Variants in PDE10A observed in about 807,000 individuals in gnomAD.
The protein encoded by PDE10A is phosphodiesterase 10A, also known as cAMP and cAMP-inhibited cGMP 3',5'-cyclic phosphodiesterase 10A.
Under a neutral mutation model 97.7 loss-of-function variants are expected in PDE10A, and 39 were observed. The ratio of observed to expected loss-of-function variants is 0.40; its 90% CI spans 0.31 to 0.52. The LOEUF (loss-of-function observed/expected upper bound fraction) is 0.52. Among genes scored for constraint, PDE10A ranks in the 20% least tolerant of loss-of-function variants. The probability of loss-of-function intolerance (pLI) is 0.56; values close to 1 mark genes in which losing one functional copy is unlikely to be tolerated. For missense variants in PDE10A, 731 were observed against 1,047.8 expected (o/e 0.70, Z 4.17); for synonymous variants, 371 against 376.8 (o/e 0.98, Z 0.18).
At chr6:165,551,809 G>C (rs1338773927) in intron 1 of PDE10A, among the ~76,000 whole-genome samples, 1 of 152,198 alleles carries the variant, frequency 6.6e-6, no homozygotes, top group Non-Finnish European at 1.5e-5. Context: ...CTCAGGCTTT[G>C]ATAAAGAGGT....
intron 1 of PDE10A, among the ~76,000 whole-genome samples, chr6:165,737,365 G>C (rs567559732): frequency 6.6e-6 from 1 of 152,126 alleles, no homozygotes; most frequent in African/African-American, 2.4e-5. Context: ...CAATATCCCC[G>C]ATGAACATAT....
chr6:165,517,016 CA>C (rs144385243), intron 2 of PDE10A, among the ~76,000 whole-genome samples: 1 of 151,648 alleles, frequency 6.6e-6, no homozygotes, highest in Non-Finnish European at 1.5e-5. Flanking sequence ...TACCATGAAT[CA>C]AAAAAAATCT....
intron 1 of PDE10A, among the ~76,000 whole-genome samples, chr6:165,565,771 G>C (rs772998905): frequency 6.6e-5 from 10 of 152,202 alleles, no homozygotes; most frequent in Middle Eastern, 3.4e-3. Flanking sequence ...CCTATAAACA[G>C]ACCCAAATAA....
chr6:165,885,874 A>G (rs1781618347), intron 1 of PDE10A, among the ~76,000 whole-genome samples: 2 of 152,240 alleles, frequency 1.3e-5, no homozygotes, highest in East Asian at 1.9e-4. Flanking sequence ...TCTCAATAAA[A>G]TAACCTGTTA....
At chr6:165,952,711 A>T (rs1035649011) in intron 1 of PDE10A, among the ~76,000 whole-genome samples, 1 of 152,224 alleles carries the variant, frequency 6.6e-6, no homozygotes, top group African/African-American at 2.4e-5. Context: ...TGCCCTGACC[A>T]GCCTGGCCTC....
intron 13 of PDE10A, among the ~76,000 whole-genome samples, chr6:165,397,918 A>C (rs540451372): frequency 2.6e-5 from 4 of 152,274 alleles, no homozygotes; most frequent in African/African-American, 9.6e-5. Flanking sequence ...TTATGTGCAC[A>C]CAAACTGTGT....
chr6:165,450,366 T>TG lies in PDE10A; in HGVS notation c.1024-5dup, dbSNP rs754421056. The stretch of plus-strand genomic sequence containing the variant: ...CCTGCATATTCGTATCTTGGTACTT[T>TG]GGATTAAAAATAACAAAAATAAAAA... On this transcript the variant is annotated splice_region_variant and splice_polypyrimidine_tract_variant and intron_variant, in intron 3 of 21. Coordinates refer to ENST00000539869, the MANE Select transcript of PDE10A (RefSeq NM_001385079.1). The TG allele has an allele frequency of 1.3e-6, 2 of 1,509,686 alleles. No individual in the cohort carries two copies. The highest frequency in any genetic ancestry group is 2.5e-5 in the South Asian group (2 of 79,952). 93.5% of individuals were successfully genotyped at this position (1,509,686 alleles called of 1,614,324 possible).
At chr6:165,859,547 T>C (rs1034051353) in intron 1 of PDE10A, among the ~76,000 whole-genome samples, 13 of 152,314 alleles carry the variant, frequency 8.5e-5, no homozygotes, top group African/African-American at 3.1e-4. Context: ...GCCAAGCAAG[T>C]GGGAAGGTGT....
chr6:165,681,968 C>T (rs906233361), intron 1 of PDE10A, among the ~76,000 whole-genome samples: 1 of 152,164 alleles, frequency 6.6e-6, no homozygotes, highest in South Asian at 2.1e-4. Flanking sequence ...CCTCACAGAA[C>T]AGTGGGTGAA....
intron 1 of PDE10A, among the ~76,000 whole-genome samples, chr6:165,943,278 AGAAAGAAAGAAAGAAG>A (rs1308281741): frequency 1.0e-4 from 13 of 129,508 alleles, no homozygotes; most frequent in Middle Eastern, 3.8e-3. Context: ...AAGGAAGGAA[AGAAAGAAAGAAAGAAG>A]GAAAGAAAGA....
intron 2 of PDE10A, among the ~76,000 whole-genome samples, chr6:165,541,101 T>C (rs1783410743): frequency 6.6e-6 from 1 of 152,192 alleles, no homozygotes; most frequent in South Asian, 2.1e-4. Flanking sequence ...GAAGACAGGC[T>C]GAAGGGGGTC....
At chr6:165,835,473 G>T (rs1465047708) in intron 1 of PDE10A, among the ~76,000 whole-genome samples, 1 of 152,212 alleles carries the variant, frequency 6.6e-6, no homozygotes, top group East Asian at 1.9e-4. Context: ...GGACAGCACT[G>T]CCCACGCCTC....
At chr6:165,936,169 T>C (rs1448012497) in intron 1 of PDE10A, among the ~76,000 whole-genome samples, 5 of 152,046 alleles carry the variant, frequency 3.3e-5, no homozygotes, top group Admixed American at 2.6e-4. Context: ...ACATGTTCAG[T>C]TTTGAGCAGT....
intron 1 of PDE10A, among the ~76,000 whole-genome samples, chr6:165,608,108 GTATA>G (rs746738828): frequency 1.4e-5 from 2 of 144,660 alleles, no homozygotes; most frequent in East Asian, 2.0e-4. Flanking sequence ...ATATATACAT[GTATA>G]TATATATATT....
rs548997442 is a variant in PDE10A at position 165,725,918 on chromosome 6, C to G, written c.-614-182350G>C. ...ATCAGGTGAAGGAGCCTGCTGTGAG[C>G]TCTGGGGCTTTGAAGGAGTCTGTCC... is the stretch of plus-strand genomic sequence containing the variant. On this transcript the variant is annotated intron_variant, in intron 1 of 19. Transcript: ENST00000366882. 2.0e-5 allele frequency among the ~76,000 whole-genome samples: 3 copies of G among 152,268 alleles called. No individual in the cohort carries two copies. In the East Asian group the frequency reaches 5.8e-4, roughly 29 times the overall value.
intron 1 of PDE10A, among the ~76,000 whole-genome samples, chr6:165,547,068 G>A (rs963218186): frequency 6.6e-6 from 1 of 152,060 alleles, no homozygotes; most frequent in Non-Finnish European, 1.5e-5. Context: ...TGGAGTAGCT[G>A]ATGATTTAAA....
intron 13 of PDE10A, among the ~76,000 whole-genome samples, chr6:165,401,421 T>C (rs1786654027): frequency 6.6e-6 from 1 of 152,250 alleles, no homozygotes; most frequent in Non-Finnish European, 1.5e-5. Flanking sequence ...GAATATATCT[T>C]CTAAATACTT....
chr6:165,407,633 T>C (rs1405529099), intron 13 of PDE10A, among the ~76,000 whole-genome samples: 1 of 152,234 alleles, frequency 6.6e-6, no homozygotes, highest in Non-Finnish European at 1.5e-5. Context: ...AATTTGTCCC[T>C]AACCAACTAA....
rs538200069 is a variant in PDE10A at position 165,849,551 on chromosome 6, A to G, written c.-615+137978T>C. Among the ~76,000 whole-genome samples the G allele has an allele frequency of 2.7e-3, 414 of 152,312 alleles. 1 individual carries two copies. Among genetic ancestry groups the G allele is most frequent in the Non-Finnish European group, 5.1e-3 (349 of 68,028 alleles). ...GGGTCTCCTGGTTCAGCATTTTCCA[A>G]TTTTGAGAAAAACGCACCTCATGTA... On this transcript the variant is annotated intron_variant, in intron 1 of 19. Transcript: ENST00000366882.
Sources: allele counts gnomAD v4.1 joint callset (sites outside exome capture counted in the v4.1 genomes callset), GRCh38; gene constraint gnomAD v4.1.1; transcripts MANE v1.5; gene names NCBI Gene and HGNC (gene_info 2026-07-23, HGNC 2026-07-21).